ERC1: variants seen among roughly 807,000 people sequenced by gnomAD.
ERC1 encodes the protein RAB6 interacting protein 2.
In ERC1, 56 loss-of-function variants were observed where a neutral mutation model predicts 132.0. That is an observed-to-expected ratio of 0.42 (90% CI 0.34 to 0.53). The LOEUF is 0.53. Ranked by LOEUF, ERC1 falls within the 20% of genes least tolerant of loss-of-function variation. The probability of loss-of-function intolerance (pLI) is 0.03; values close to 1 mark genes in which losing one functional copy is unlikely to be tolerated. For missense variants in ERC1, 1,202 were observed against 1,349.9 expected, an observed-to-expected ratio of 0.89 and a Z score of 1.72; for synonymous variants, 478 against 476.1, an observed-to-expected ratio of 1.00 and a Z score of -0.05.
intron 16 of ERC1, among the ~76,000 whole-genome samples, chr12:1,402,566 C>T (rs1174475493): frequency 6.7e-6 from 1 of 149,132 alleles, no homozygotes; most frequent in Non-Finnish European, 1.5e-5. Context: ...CAGTAATGAG[C>T]TAAGCATCCA....
chr12:1,116,871 A>G (rs898491393), intron 7 of ERC1, among the ~76,000 whole-genome samples: 1 of 152,096 alleles, frequency 6.6e-6, no homozygotes, highest in Admixed American at 6.6e-5. Context: ...ATGAGCCACC[A>G]TGCCCGGGCA....
intron 16 of ERC1, among the ~76,000 whole-genome samples, chr12:1,385,512 C>T (rs1391654151): frequency 6.6e-6 from 1 of 152,222 alleles, no homozygotes; most frequent in African/African-American, 2.4e-5. Flanking sequence ...TCTCGATCTC[C>T]TGACCTCGTG....
intron 15 of ERC1, among the ~76,000 whole-genome samples, chr12:1,300,548 C>T (rs771623766): frequency 7.9e-5 from 12 of 151,770 alleles, no homozygotes; most frequent in Admixed American, 1.3e-4. Flanking sequence ...ATAATTTTTC[C>T]AAATTGTGTG....
At chr12:1,394,202 C>T (rs1313186320) in intron 16 of ERC1, among the ~76,000 whole-genome samples, 7 of 151,102 alleles carry the variant, frequency 4.6e-5, no homozygotes, top group South Asian at 4.2e-4. Flanking sequence ...AGATCGAGAC[C>T]ATCCTGGCTA....
chr12:1,308,744 A>G (rs1327466070), intron 15 of ERC1, among the ~76,000 whole-genome samples: 1 of 152,216 alleles, frequency 6.6e-6, no homozygotes, highest in Non-Finnish European at 1.5e-5. Flanking sequence ...TTGGAATCAG[A>G]TTGGCCACTG....
At chr12:1,033,093 G>A (rs1467727939) in intron 2 of ERC1, among the ~76,000 whole-genome samples, 1 of 151,424 alleles carries the variant, frequency 6.6e-6, no homozygotes, top group Non-Finnish European at 1.5e-5. Flanking sequence ...CTGGAGTGTG[G>A]TGGCGTGATC....
In ERC1 at chr12:1,104,752, G is replaced by C. The variant is rs753376055; in HGVS notation, c.1089G>C (p.Glu363Asp). The stretch of plus-strand genomic sequence containing the variant: ...CTCTTTCTGCCTCTTTTCTACAGGA[G>C]ATGCATCGAAGGTTTGAGAATGCTC... ...KEKENSMLRE[E>D]MHRRFENAPD... Residue 363 changes from glutamate (E) to aspartate (D), a missense_variant and splice_region_variant, in exon 4 of 19, where the codon GAG becomes GAC. Transcript: ENST00000360905. 1 of 1,610,390 alleles carries C rather than the reference G, an allele frequency of 6.2e-7. No homozygotes were observed. The highest frequency in any genetic ancestry group is 8.5e-7 in the Non-Finnish European group (1 of 1,176,728).
intron 15 of ERC1, among the ~76,000 whole-genome samples, chr12:1,358,937 A>G (rs1426378375): frequency 6.6e-6 from 1 of 150,786 alleles, no homozygotes; most frequent in Non-Finnish European, 1.5e-5. Context: ...ATAGTTTGGC[A>G]TGACATAAAT....
At chr12:1,301,645 C>T (rs1594865693) in intron 15 of ERC1, among the ~76,000 whole-genome samples, 2 of 152,122 alleles carry the variant, frequency 1.3e-5, no homozygotes, top group East Asian at 3.9e-4. Context: ...GAACAACAGA[C>T]TCTGAGGTCT....
intron 17 of ERC1, among the ~76,000 whole-genome samples, chr12:1,440,286 G>T (rs373217483): frequency 7.4e-6 from 1 of 136,012 alleles, no homozygotes; most frequent in African/African-American, 2.9e-5. Flanking sequence ...CTCACTGCAA[G>T]CTCCGCCTCC....
chr12:993,493 A>G (rs977786822), intron 1 of ERC1, among the ~76,000 whole-genome samples: 3 of 152,214 alleles, frequency 2.0e-5, no homozygotes, highest in African/African-American at 4.8e-5. Context: ...GTTGCTTGCT[A>G]GTCATTACTT....
chr12:1,255,624 T>TTG lies in ERC1; in HGVS notation c.2488-7409_2488-7408insGT, dbSNP rs1284260420. 4.2e-3 allele frequency among the ~76,000 whole-genome samples: 451 copies of TTG among 108,140 alleles called. 37 individuals are homozygous for TTG. Among genetic ancestry groups the TTG allele is most frequent in the African/African-American group, 0.017 (394 of 22,928 alleles). 70.9% of individuals were successfully genotyped at this position (108,140 alleles called of 152,430 possible). On this transcript the variant is annotated intron_variant, in intron 13 of 18. Transcript: ENST00000360905. ...TCAGCATCTGTTGCTTCCTGGCCTT[T>TTG]TTTTTTTTTTTTTTTTTTTTTTTTT...
At chr12:1,431,565 A>G (rs1160494424) in intron 17 of ERC1, among the ~76,000 whole-genome samples, 2 of 152,208 alleles carry the variant, frequency 1.3e-5, no homozygotes, top group South Asian at 2.1e-4. Context: ...TTTAAATTGC[A>G]TAACGATTTT....
chr12:1,181,877 T>G (rs1177253838), intron 9 of ERC1, 48 bp from the exon 10 acceptor site: 1 of 1,567,832 alleles, frequency 6.4e-7, no homozygotes, highest in Non-Finnish European at 8.7e-7. Context: ...TACAGTCATA[T>G]AAGTGCAAAA....
intron 1 of ERC1, among the ~76,000 whole-genome samples, chr12:1,014,365 G>A (rs1248435402): frequency 6.6e-6 from 1 of 151,884 alleles, no homozygotes; most frequent in Admixed American, 6.6e-5. Context: ...TGGTAGAGAC[G>A]GGGTTTCACC....
intron 13 of ERC1, among the ~76,000 whole-genome samples, chr12:1,239,086 C>T (rs1024148039): frequency 1.3e-5 from 2 of 152,120 alleles, no homozygotes. Context: ...TACTCAGTTA[C>T]TTAAGTATAT....
intron 2 of ERC1, among the ~76,000 whole-genome samples, chr12:1,059,323 A>AT (rs1193848474): frequency 6.6e-6 from 1 of 152,000 alleles, no homozygotes; most frequent in Non-Finnish European, 1.5e-5. Flanking sequence ...GATGCCCTTT[A>AT]TTTTTTTCTC....
At chr12:1,490,017 A>G (rs1264993647) in intron 18 of ERC1, 76 bp from the exon 19 acceptor site, 10 of 1,506,118 alleles carry the variant, frequency 6.6e-6, no homozygotes, top group Non-Finnish European at 8.2e-6. Flanking sequence ...TTTGTCATTT[A>G]TTGATGAAAA....
rs1954527562 is a variant in ERC1 at position 1,181,975 on chromosome 12, GAAGC to G, written c.1930_1933del (p.Gln644ArgfsTer13). On this transcript the variant is annotated frameshift_variant, in exon 10 of 19. Transcript: ENST00000360905. LOFTEE classifies it high-confidence loss of function. ...AGCAGAGGGACAGAGATGAGCGAGA[GAAGC>G]AAGAGGAAATTGATAACTACAAAAA... 6.2e-7 allele frequency: 1 copy of G among 1,613,934 alleles called. No individual in the cohort carries two copies. The highest frequency in any genetic ancestry group is 1.3e-5 in the African/African-American group (1 of 74,900).
Sources: allele counts gnomAD v4.1 joint callset (sites outside exome capture counted in the v4.1 genomes callset), GRCh38; gene constraint gnomAD v4.1.1; transcripts MANE v1.5; gene names NCBI Gene and HGNC (gene_info 2026-07-23, HGNC 2026-07-21).